SH3RF1: variants seen among roughly 807,000 people sequenced by gnomAD.
SH3RF1 encodes the protein SH3 domain containing ring finger 1, also known as E3 ubiquitin-protein ligase SH3RF1.
Under a neutral mutation model 74.0 loss-of-function variants are expected in SH3RF1, and 32 were observed. The observed-to-expected ratio is 0.43, with a 90% CI of 0.33 to 0.58. The LOEUF is 0.58. SH3RF1 is among the 20% of genes least tolerant of loss of function. SH3RF1 has a pLI of 0.05. For synonymous variants in SH3RF1, 396 were observed against 439.6 expected, an observed-to-expected ratio of 0.90 and a Z score of 1.24; for missense variants, 954 against 1,130.9, an observed-to-expected ratio of 0.84 and a Z score of 2.24.
intron 2 of SH3RF1, among the ~76,000 whole-genome samples, chr4:169,266,095 G>A (rs185186015): frequency 7.2e-5 from 11 of 152,252 alleles, no homozygotes; most frequent in Admixed American, 6.5e-5. Context: ...GGATTCCCAT[G>A]GTGATTCCAA....
chr4:169,158,652 G>A (rs879506850), intron 2 of SH3RF1, among the ~76,000 whole-genome samples: 2 of 152,216 alleles, frequency 1.3e-5, no homozygotes, highest in Non-Finnish European at 2.9e-5. Flanking sequence ...GCAAAGCACA[G>A]GCCTCAACTA....
intron 5 of SH3RF1, 130 bp from the exon 6 acceptor site, chr4:169,130,286 A>C: frequency 1.4e-6 from 1 of 704,258 alleles, no homozygotes; most frequent in Non-Finnish European, 2.2e-6. Context: ...GGGAAGGTAG[A>C]ATCCCTTTTA....
Position 169,268,960 on chromosome 4 carries a change from G to A in SH3RF1, c.253C>T (p.Pro85Ser). ...GIKQRPWKPGPGGGSGTNCTN... is the reference protein window; with the variant it reads ...GIKQRPWKPGSGGGSGTNCTN... ...CAGTTGGTCCCACTTCCCCCACCAG[G>A]ACCAGGTTTCCAAGGCCTCTGTTTG... Residue 85 changes from proline (P) to serine (S), a missense_variant, in exon 2 of 12, where the codon CCT (proline) becomes TCT (serine). Physicochemically the swap from Pro to Ser is moderately conservative, Grantham distance 74. Transcript: ENST00000284637. 2 of 1,614,122 alleles carry A rather than the reference G, an allele frequency of 1.2e-6. No individual in the cohort carries two copies. Among genetic ancestry groups the A allele is most frequent in the Non-Finnish European group, 1.7e-6 (2 of 1,180,038 alleles).
intron 2 of SH3RF1, among the ~76,000 whole-genome samples, chr4:169,246,843 T>A (rs968809936): frequency 2.6e-5 from 4 of 152,232 alleles, no homozygotes; most frequent in Admixed American, 2.6e-4. Flanking sequence ...AATTTTTTCA[T>A]CTATAAAATA....
At chr4:169,196,427 T>C (rs1159935211) in intron 2 of SH3RF1, among the ~76,000 whole-genome samples, 2 of 152,242 alleles carry the variant, frequency 1.3e-5, no homozygotes, top group African/African-American at 4.8e-5. Flanking sequence ...CTATAGACAA[T>C]GTTAGGTAAC....
intron 1 of SH3RF1, 57 bp from the exon 2 acceptor site, chr4:169,269,364 A>C: frequency 1.6e-6 from 1 of 638,782 alleles, no homozygotes; most frequent in Non-Finnish European, 2.2e-6. Context: ...TCTAGGGAAA[A>C]AGTTCAAAGG....
intron 2 of SH3RF1, among the ~76,000 whole-genome samples, chr4:169,236,775 T>C (rs1730829126): frequency 1.3e-5 from 2 of 152,204 alleles, no homozygotes; most frequent in South Asian, 4.1e-4. Context: ...TGTAAATACA[T>C]ACATTGCTTC....
At chr4:169,198,354 TAG>T (rs10598971) in intron 2 of SH3RF1, among the ~76,000 whole-genome samples, 71,110 of 151,920 alleles carry the variant, frequency 0.47, 17,889 homozygotes, top group East Asian at 0.78. Context: ...AGTCTACAAA[TAG>T]AGTGTTAAAT....
At chr4:169,198,786 A>G (rs1446465997) in intron 2 of SH3RF1, among the ~76,000 whole-genome samples, 2 of 152,198 alleles carry the variant, frequency 1.3e-5, no homozygotes, top group East Asian at 1.9e-4. Context: ...TAACAAAGAA[A>G]TAACAATTAG....
At chr4:169,141,684 C>G (rs1414438450) in intron 4 of SH3RF1, among the ~76,000 whole-genome samples, 2 of 149,708 alleles carry the variant, frequency 1.3e-5, no homozygotes. Context: ...GTCATTGAGG[C>G]TAGAGTGCAG....
chr4:169,101,033 C>T (rs997781479), intron 11 of SH3RF1, among the ~76,000 whole-genome samples: 63 of 152,196 alleles, frequency 4.1e-4, no homozygotes, highest in African/African-American at 1.4e-3. Context: ...GACTAAATCG[C>T]AGAGGCCTCC....
intron 2 of SH3RF1, among the ~76,000 whole-genome samples, chr4:169,266,030 C>A (rs1358194144): frequency 6.6e-6 from 1 of 152,142 alleles, no homozygotes; most frequent in Non-Finnish European, 1.5e-5. Context: ...CATTCCACTG[C>A]TTGACTTTGG....
chr4:169,117,863 C>T (rs1270077744), intron 8 of SH3RF1, 81 bp from the exon 9 acceptor site: 2 of 1,488,370 alleles, frequency 1.3e-6, no homozygotes, highest in Non-Finnish European at 1.8e-6. Flanking sequence ...AGAAAAATGA[C>T]TCAGAGCTTT....
At position 169,156,415 on chromosome 4, in the gene SH3RF1, G is replaced by C. The variant is rs1170477242; in HGVS notation, c.658C>G (p.Pro220Ala). Residue 220 changes from proline (P) to alanine (A), a missense_variant, in exon 3 of 12, where the codon CCA becomes GCA. By Grantham distance (27) the Pro-to-Ala change is conservative. Transcript: ENST00000284637. ...KDKEADKDCL[P>A]FAKDDVLTVI... The stretch of plus-strand genomic sequence containing the variant: ...CATTCTACCTTTACCTTTGCAAATG[G>C]AAGGCAATCTTTGTCTGCTTCCTTG... 1 of 1,590,418 alleles carries C rather than the reference G, an allele frequency of 6.3e-7. No individual in the cohort carries two copies. Among genetic ancestry groups the C allele is most frequent in the East Asian group, 2.2e-5 (1 of 44,446 alleles).
At chr4:169,220,386 C>T (rs903893764) in intron 2 of SH3RF1, 2 of 152,218 alleles carry the variant, frequency 1.3e-5, no homozygotes, top group Non-Finnish European at 2.9e-5. Context: ...AACATTCACG[C>T]TAGCTTTCCT....
rs372016638 is a variant in SH3RF1, at chr4:169,137,899, T to TA, written c.766-1280dup. Among the ~76,000 whole-genome samples, 357 of 152,332 alleles carry TA rather than the reference T, an allele frequency of 2.3e-3. 2 individuals are homozygous for TA. Among genetic ancestry groups the TA allele is most frequent in the African/African-American group, 8.2e-3 (340 of 41,578 alleles). ...AAATTCAGGTGGCTTGTCTCATCTA[T>TA]AATTAGTAAGATAAATCTTTATCAA... On this transcript the variant is annotated intron_variant, in intron 4 of 11. Coordinates refer to ENST00000284637, the MANE Select transcript of SH3RF1 (RefSeq NM_020870.4).
chr4:169,136,405 G>C lies in SH3RF1; in HGVS notation c.981C>G (p.Ser327Arg), dbSNP rs202243296. 16 of 1,606,028 alleles carry C rather than the reference G, an allele frequency of 1.0e-5. No individual in the cohort carries two copies. Among genetic ancestry groups the C allele is most frequent in the African/African-American group, 1.3e-5 (1 of 74,680 alleles). Residue 327 changes from serine to arginine, a missense_variant, in exon 5 of 12, where the codon AGC (serine) becomes AGG (arginine). Physicochemically the swap from Ser to Arg is moderately radical, Grantham distance 110 (BLOSUM62 -1). Transcript: ENST00000284637. ...ASQNRHSMEI[S>R]PPVLISSSNP... ...TGCTGGAGCTGATGAGGACAGGGGGGCTGATCTCCATGGAGTGGCGGTTCT... is the reference window on the plus strand; with the variant it reads ...TGCTGGAGCTGATGAGGACAGGGGGCCTGATCTCCATGGAGTGGCGGTTCT...
At chr4:169,246,480 C>T (rs2110740057) in intron 2 of SH3RF1, among the ~76,000 whole-genome samples, 1 of 152,272 alleles carries the variant, frequency 6.6e-6, no homozygotes, top group Middle Eastern at 3.4e-3. Context: ...AGAGGTCATG[C>T]TTAATGGCCA....
At chr4:169,160,210 T>A (rs2126967159) in intron 2 of SH3RF1, among the ~76,000 whole-genome samples, 1 of 152,318 alleles carries the variant, frequency 6.6e-6, no homozygotes, top group South Asian at 2.1e-4. Flanking sequence ...TAGAAACCAT[T>A]CTGAACTGCT....
Sources: gnomAD v4.1 joint callset for allele counts (sites outside exome capture counted in the v4.1 genomes callset) on GRCh38, gnomAD v4.1.1 for gene constraint, MANE v1.5 for transcripts, NCBI Gene and HGNC (gene_info 2026-07-23, HGNC 2026-07-21) for gene names.